GCNT1: variants seen among roughly 807,000 people sequenced by gnomAD.
The protein encoded by GCNT1 is beta-1,3-galactosyl-O-glycosyl-glycoprotein beta-1,6-N-acetylglucosaminyltransferase.
In GCNT1, 16 loss-of-function variants were observed where a neutral mutation model predicts 26.2. The ratio of observed to expected loss-of-function variants is 0.61; its 90% CI spans 0.41 to 0.93. The LOEUF (loss-of-function observed/expected upper bound fraction) is 0.93. Among genes scored for constraint, GCNT1 ranks in the 40% least tolerant of loss-of-function variants. The probability of loss-of-function intolerance (pLI) is 0.00; values close to 1 mark genes in which losing one functional copy is unlikely to be tolerated. For missense variants in GCNT1, 477 were observed against 526.7 expected (o/e 0.91, Z 0.92); for synonymous variants, 183 against 190.8 (o/e 0.96, Z 0.34).
At chr9:76,409,307 A>T in the GCNT1 span, among the ~76,000 whole-genome samples, 1 of 151,888 alleles carries the variant, frequency 6.6e-6, no homozygotes, top group Non-Finnish European at 1.5e-5. Context: ...CTTATTTCTG[A>T]TGTTATTAAG....
rs962322738 is a variant in GCNT1 at position 76,504,569 on chromosome 9, A to G, written c.*901A>G. ...GTGCAGAAAACTAAGACAGGATGATACAGGTTTGAGGGGCTGGGGAGTGGG... is the reference window on the plus strand; with the variant it reads ...GTGCAGAAAACTAAGACAGGATGATGCAGGTTTGAGGGGCTGGGGAGTGGG... On this transcript the variant is annotated 3_prime_UTR_variant, in exon 4 of 4. Coordinates refer to ENST00000376730, the MANE Select transcript of GCNT1 (RefSeq NM_001490.5). 5 of 405,150 alleles carry G rather than the reference A, an allele frequency of 1.2e-5. No homozygotes were observed. The highest frequency in any genetic ancestry group is 1.0e-4 in the African/African-American group (5 of 48,410). 25.1% of individuals were successfully genotyped at this position (405,150 alleles called of 1,614,324 possible). A position where few individuals can be genotyped will look rare whatever the true frequency, so the allele number is the denominator to read the frequency against.
In GCNT1 at chr9:76,504,331, G is replaced by A. The variant is rs1193366354; in HGVS notation, c.*663G>A. On this transcript the variant is annotated 3_prime_UTR_variant, in exon 4 of 4. Transcript: ENST00000376730. ...CCAAAAAATGACAATTTCTAGTTTAGTTAATTTCTACAAATCATCTTATGT... is the reference window on the plus strand; with the variant it reads ...CCAAAAAATGACAATTTCTAGTTTAATTAATTTCTACAAATCATCTTATGT... The A allele has an allele frequency of 5.9e-6, 1 of 170,574 alleles. No individual in the cohort carries two copies. Among genetic ancestry groups the A allele is most frequent in the Non-Finnish European group, 1.4e-5 (1 of 70,710 alleles). The allele number at this position is 170,574 out of a possible 1,614,324, so 10.6% of individuals were successfully genotyped here.
Position 76,506,207 on chromosome 9 carries a change from AATT to A in GCNT1, c.*2544_*2546del, listed in dbSNP as rs1825234857. 1 of 167,110 alleles carries A rather than the reference AATT, an allele frequency of 6.0e-6. No individual in the cohort carries two copies. The highest frequency in any genetic ancestry group is 6.5e-5 in the Admixed American group (1 of 15,286). The allele number at this position is 167,110 out of a possible 1,614,324, so 10.4% of individuals were successfully genotyped here. On this transcript the variant is annotated 3_prime_UTR_variant, in exon 4 of 4. Coordinates refer to ENST00000376730, the MANE Select transcript of GCNT1 (RefSeq NM_001490.5). ...GAAATTATTTAAATTACTTTATAGT[AATT>A]ATTAAACACTAATTTTTGTACTGTC...
chr9:76,424,878 G>A (rs540424790), intron 1 of GCNT1, among the ~76,000 whole-genome samples: 2 of 152,264 alleles, frequency 1.3e-5, no homozygotes, highest in East Asian at 1.9e-4. Context: ...GGTGGCTCAC[G>A]CCTGTAATCC....
chr9:76,458,795 A>C (rs1244472083), upstream of GCNT1, among the ~76,000 whole-genome samples: 1 of 152,220 alleles, frequency 6.6e-6, no homozygotes, highest in Non-Finnish European at 1.5e-5. Context: ...AAACACCTAC[A>C]TGGTTATCTC....
the GCNT1 span, among the ~76,000 whole-genome samples, chr9:76,410,319 G>A: frequency 6.6e-6 from 1 of 152,046 alleles, no homozygotes; most frequent in South Asian, 2.1e-4. Context: ...GTAATCCCAG[G>A]TACTCTGGAG....
At chr9:76,416,272 C>A (rs1235805817), upstream of GCNT1, among the ~76,000 whole-genome samples, 3 of 152,150 alleles carry the variant, frequency 2.0e-5, no homozygotes, top group African/African-American at 7.2e-5. Flanking sequence ...CCCACTCCAT[C>A]CCCTTTCCAG....
upstream of GCNT1, among the ~76,000 whole-genome samples, chr9:76,456,454 C>A (rs147761606): frequency 6.6e-6 from 1 of 152,304 alleles, no homozygotes; most frequent in African/African-American, 2.4e-5. Flanking sequence ...CCCAACACTT[C>A]CCCTCTCCCC....
In GCNT1 at chr9:76,503,452, G is replaced by A; in HGVS notation, c.1071G>A (p.Gln357=). The A allele has an allele frequency of 6.2e-7, 1 of 1,614,144 alleles. No homozygotes were observed. The highest frequency in any genetic ancestry group is 8.5e-7 in the Non-Finnish European group (1 of 1,180,008). Reference sequence around the variant, plus strand: ...CAGTTGCCAGGTTTGTCAAGTGGCAGTACTTTGAGGGTGATGTTTCCAAGG... The same window carrying A: ...CAGTTGCCAGGTTTGTCAAGTGGCAATACTTTGAGGGTGATGTTTCCAAGG... ...MQAVARFVKW[Q]YFEGDVSKGA... Residue 357 remains glutamine, a synonymous_variant, in exon 4 of 4, where the codon CAG becomes CAA. Transcript: ENST00000376730.
rs967741219 is a variant in GCNT1, at chr9:76,492,846, A to G, written c.-289-8070A>G. Among the ~76,000 whole-genome samples, 6 of 151,848 alleles carry G rather than the reference A, an allele frequency of 4.0e-5. No individual in the cohort carries two copies. In the South Asian group the frequency reaches 1.3e-3, roughly 32 times the overall value. On this transcript the variant is annotated intron_variant, in intron 2 of 3. Transcript: ENST00000376730. ...TGACTAAGGCTGTGGCCTTTCTCTG[A>G]TCCCGCTTTTCCTTTTAGGCCTGTT...
chr9:76,499,031 G>A (rs1469785721), intron 2 of GCNT1, among the ~76,000 whole-genome samples: 1 of 141,132 alleles, frequency 7.1e-6, no homozygotes, highest in South Asian at 2.3e-4. Flanking sequence ...TTTCTTGTAG[G>A]GTAAGGCTGC....
At chr9:76,398,781 C>A in the GCNT1 span, 1 of 1,247,774 alleles carries the variant, frequency 8.0e-7, no homozygotes, top group Non-Finnish European at 1.2e-6. Context: ...TTAGGTGGCA[C>A]CAATCTTGAC....
chr9:76,465,605 G>A (rs183515339), intron 2 of GCNT1, among the ~76,000 whole-genome samples: 1 of 152,350 alleles, frequency 6.6e-6, no homozygotes, highest in East Asian at 1.9e-4. Flanking sequence ...TCAGCCCCCT[G>A]AGCCAGACTT....
At chr9:76,470,894 C>T (rs995856875) in intron 2 of GCNT1, among the ~76,000 whole-genome samples, 1 of 152,154 alleles carries the variant, frequency 6.6e-6, no homozygotes, top group Non-Finnish European at 1.5e-5. Context: ...CAGGAATGGG[C>T]TTAGGACACC....
At chr9:76,481,811 A>T (rs1824430464) in intron 2 of GCNT1, among the ~76,000 whole-genome samples, 1 of 152,204 alleles carries the variant, frequency 6.6e-6, no homozygotes, top group African/African-American at 2.4e-5. Context: ...ATGAAGTGCC[A>T]TTTATGACCT....
the GCNT1 span, chr9:76,399,441 G>A: frequency 3.9e-6 from 6 of 1,545,398 alleles, no homozygotes; most frequent in African/African-American, 5.4e-5. Context: ...GTTGCAGACT[G>A]GTCTGAAGGT....
chr9:76,491,114 T>G (rs1824723393), intron 2 of GCNT1, among the ~76,000 whole-genome samples: 1 of 152,118 alleles, frequency 6.6e-6, no homozygotes, highest in South Asian at 2.1e-4. Context: ...TCTCTTTGAC[T>G]TCTTCTTTGT....
upstream of GCNT1, among the ~76,000 whole-genome samples, chr9:76,438,689 C>G (rs897652544): frequency 4.0e-5 from 6 of 151,584 alleles, no homozygotes; most frequent in African/African-American, 1.5e-4. Context: ...ATAAGAAAGT[C>G]AGGTAAATGT....
In GCNT1 at chr9:76,504,100, CAA is replaced by C. The variant is rs1825169731; in HGVS notation, c.*434_*435del. On this transcript the variant is annotated 3_prime_UTR_variant, in exon 4 of 4. Coordinates refer to ENST00000376730, the MANE Select transcript of GCNT1 (RefSeq NM_001490.5). ...GAATAAACTTACAGCAACAAATAAT[CAA>C]AGATACAATTAATCTGATATTATAT... 9.8e-6 allele frequency: 2 copies of C among 204,178 alleles called. No homozygotes were observed. Among genetic ancestry groups the C allele is most frequent in the African/African-American group, 4.7e-5 (2 of 42,734 alleles). 12.6% of individuals were successfully genotyped at this position (204,178 alleles called of 1,614,324 possible). A position where few individuals can be genotyped will look rare whatever the true frequency, so the allele number is the denominator to read the frequency against.
Sources: gnomAD v4.1 joint callset for allele counts (sites outside exome capture counted in the v4.1 genomes callset) on GRCh38, gnomAD v4.1.1 for gene constraint, MANE v1.5 for transcripts, NCBI Gene and HGNC (gene_info 2026-07-23, HGNC 2026-07-21) for gene names.